WDPCP: variants seen among roughly 807,000 people sequenced by gnomAD.
The protein encoded by WDPCP is WD repeat containing planar cell polarity effector.
Under a neutral mutation model 93.1 loss-of-function variants are expected in WDPCP, and 71 were observed. The observed-to-expected ratio is 0.76, with a 90% CI of 0.63 to 0.93. The LOEUF is 0.93. Among genes scored for constraint, WDPCP ranks in the 40% least tolerant of loss-of-function variants. WDPCP has a pLI of 0.00. For synonymous variants in WDPCP, 315 were observed against 315.0 expected (o/e 1.00, Z 0.00); for missense variants, 844 against 887.4 (o/e 0.95, Z 0.62).
chr2:63,420,131 T>A (rs577339489), intron 9 of WDPCP, among the ~76,000 whole-genome samples: 107 of 152,234 alleles, frequency 7.0e-4, no homozygotes, highest in African/African-American at 2.4e-3. Flanking sequence ...TTTTACTTTT[T>A]TACCATGATG....
chr2:63,767,165 T>C (rs2103933829), intron 2 of WDPCP, among the ~76,000 whole-genome samples: 1 of 152,334 alleles, frequency 6.6e-6, no homozygotes, highest in African/African-American at 2.4e-5. Context: ...TCCATGTTGT[T>C]GTTTGTATCA....
chr2:63,145,318 C>T (rs1016293626), intron 17 of WDPCP, among the ~76,000 whole-genome samples: 18 of 148,136 alleles, frequency 1.2e-4, no homozygotes, highest in Admixed American at 7.6e-4. Context: ...CCTGGCACTC[C>T]GAAGATTATA....
chr2:63,154,849 G>C (rs539626886), intron 15 of WDPCP, among the ~76,000 whole-genome samples: 2 of 152,108 alleles, frequency 1.3e-5, no homozygotes, highest in Admixed American at 6.6e-5. Context: ...ATTCTAATAG[G>C]TGTACAGAGG....
At chr2:63,201,209 G>T (rs1559197676) in intron 14 of WDPCP, among the ~76,000 whole-genome samples, 1 of 152,134 alleles carries the variant, frequency 6.6e-6, no homozygotes. Context: ...TGTAGGACAT[G>T]CCTGCTTCCT....
chr2:63,448,106 C>T (rs1233170315), intron 6 of WDPCP, among the ~76,000 whole-genome samples: 2 of 152,066 alleles, frequency 1.3e-5, no homozygotes, highest in Non-Finnish European at 2.9e-5. Context: ...CTTTAGCTAA[C>T]AAACTTCAAA....
intron 12 of WDPCP, among the ~76,000 whole-genome samples, chr2:63,365,791 T>G (rs1379742252): frequency 1.3e-5 from 2 of 152,198 alleles, no homozygotes; most frequent in Admixed American, 1.3e-4. Context: ...TAAGTTTCAT[T>G]GTAAAAAATA....
intron 2 of WDPCP, among the ~76,000 whole-genome samples, chr2:63,681,016 T>C (rs1480250042): frequency 6.6e-6 from 1 of 152,002 alleles, no homozygotes; most frequent in Non-Finnish European, 1.5e-5. Flanking sequence ...CAAAGAAACC[T>C]TGGGCCCTGA....
chr2:63,292,625 A>T (rs1684531101), intron 13 of WDPCP, among the ~76,000 whole-genome samples: 1 of 152,194 alleles, frequency 6.6e-6, no homozygotes, highest in Non-Finnish European at 1.5e-5. Flanking sequence ...AAAGGGGACC[A>T]CAATAAAGAC....
chr2:63,793,361 C>A (rs1267852611), intron 2 of WDPCP, among the ~76,000 whole-genome samples: 1 of 152,102 alleles, frequency 6.6e-6, no homozygotes, highest in South Asian at 2.1e-4. Flanking sequence ...TAGTCACAAC[C>A]CTTTGGGAAG....
At chr2:63,640,887 G>A (rs1037100909) in intron 3 of WDPCP, among the ~76,000 whole-genome samples, 8 of 152,108 alleles carry the variant, frequency 5.3e-5, no homozygotes, top group Non-Finnish European at 7.4e-5. Flanking sequence ...TCACCCTGCT[G>A]TGCAATCAAA....
intron 2 of WDPCP, among the ~76,000 whole-genome samples, chr2:63,802,059 C>G (rs1263937506): frequency 6.6e-6 from 1 of 152,076 alleles, no homozygotes; most frequent in Non-Finnish European, 1.5e-5. Context: ...CACATTTTAA[C>G]CACAACAAAT....
chr2:63,729,881 C>T (rs114336535), intron 2 of WDPCP, among the ~76,000 whole-genome samples: 1,873 of 152,256 alleles, frequency 0.012, 16 homozygotes, highest in Non-Finnish European at 0.015. Context: ...GACACATGCT[C>T]CTGTATTATT....
At chr2:63,258,950 T>TTTATTTATA (rs1288869409) in intron 14 of WDPCP, among the ~76,000 whole-genome samples, 1 of 152,174 alleles carries the variant, frequency 6.6e-6, no homozygotes, top group African/African-American at 2.4e-5. Context: ...TTTTGAGAAA[T>TTTATTTATA]GACATGTCTG....
chr2:63,817,515 G>C (rs1253649222), intron 1 of WDPCP, among the ~76,000 whole-genome samples: 1 of 152,076 alleles, frequency 6.6e-6, no homozygotes, highest in African/African-American at 2.4e-5. Context: ...ATTAAGGTAG[G>C]GGTTGACAAA....
chr2:63,591,582 C>A (rs948996235), upstream of WDPCP, among the ~76,000 whole-genome samples: 2 of 152,220 alleles, frequency 1.3e-5, no homozygotes, highest in African/African-American at 2.4e-5. Flanking sequence ...AGATAGTGAT[C>A]TTCACTCTCT....
At chr2:63,421,410 C>CAAAAAAA (rs1222459844) in intron 9 of WDPCP, among the ~76,000 whole-genome samples, 1 of 151,754 alleles carries the variant, frequency 6.6e-6, no homozygotes, top group Admixed American at 6.6e-5. Context: ...AAAAAACAGG[C>CAAAAAAA]AAATAGATCA....
chr2:63,579,387 A>C (rs565169301), intron 1 of WDPCP, among the ~76,000 whole-genome samples: 1 of 152,170 alleles, frequency 6.6e-6, no homozygotes, highest in Non-Finnish European at 1.5e-5. Context: ...AGGTGGGTGG[A>C]TCACTGGAGG....
chr2:63,387,401 C>T (rs1692828132), intron 10 of WDPCP, among the ~76,000 whole-genome samples: 1 of 151,534 alleles, frequency 6.6e-6, no homozygotes, highest in South Asian at 2.1e-4. Flanking sequence ...TCTCAATAGA[C>T]ACAGAAAAGG....
intron 3 of WDPCP, among the ~76,000 whole-genome samples, chr2:63,601,849 G>A (rs1381274267): frequency 6.6e-6 from 1 of 152,172 alleles, no homozygotes; most frequent in Non-Finnish European, 1.5e-5. Flanking sequence ...TGAGTTAATT[G>A]TTCAAGGTAT....
Sources: allele counts gnomAD v4.1 joint callset (sites outside exome capture counted in the v4.1 genomes callset), GRCh38; gene constraint gnomAD v4.1.1; transcripts MANE v1.5; gene names NCBI Gene and HGNC (gene_info 2026-07-23, HGNC 2026-07-21).